Variants in ADAMTS15 observed in about 807,000 individuals in gnomAD.
The protein encoded by ADAMTS15 is ADAM metallopeptidase with thrombospondin type 1 motif 15.
ADAMTS15 carries 35 observed loss-of-function variants against 79.1 expected under a neutral mutation model. That is an observed-to-expected ratio of 0.44 (90% CI 0.34 to 0.59). ADAMTS15 has a LOEUF of 0.59. Ranked by LOEUF, ADAMTS15 falls within the 20% of genes least tolerant of loss-of-function variation. The pLI, the probability that ADAMTS15 is intolerant of heterozygous loss-of-function variation, is 0.02. For missense variants in ADAMTS15, 1,324 were observed against 1,318.7 expected (o/e 1.00, Z -0.06); for synonymous variants, 616 against 567.3 (o/e 1.09, Z -1.22).
At chr11:130,471,158 A>C (rs1592151141) in intron 6 of ADAMTS15, 50 bp from the exon 7 acceptor site, 1 of 1,590,882 alleles carries the variant, frequency 6.3e-7, no homozygotes, top group Non-Finnish European at 8.6e-7. Context: ...GGGGAGCATC[A>C]GCTGAGCTGC....
In ADAMTS15 at chr11:130,449,698, T is replaced by A; in HGVS notation, c.725T>A (p.Leu242Gln). 1 of 1,609,170 alleles carries A rather than the reference T, an allele frequency of 6.2e-7. No individual in the cohort carries two copies. The highest frequency in any genetic ancestry group is 1.3e-5 in the African/African-American group (1 of 74,986). The change falls in exon 1 of 8, where the codon CTG becomes CAG. Residue 242 changes from leucine to glutamine, a missense_variant. By Grantham distance (113) the Leu-to-Gln change is moderately radical. Transcript: ENST00000299164. This position sits in a 1 kb window ranked among gnomAD's most constrained non-coding sequence, Gnocchi z 7.8. ...CACGGCGCGGACCTGGAACATTATC[T>A]GCTGACGCTGCTGGCAACGGCGGCG... Reference protein sequence around the residue: ...KFHGADLEHYLLTLLATAARL... With the variant: ...KFHGADLEHYQLTLLATAARL...
At chr11:130,456,824 A>G (rs1230199835) in intron 1 of ADAMTS15, among the ~76,000 whole-genome samples, 1 of 152,200 alleles carries the variant, frequency 6.6e-6, no homozygotes, top group African/African-American at 2.4e-5. Flanking sequence ...CTGTGAGTAT[A>G]ATACCTGGAT....
Position 130,472,934 on chromosome 11 carries a change from T to C in ADAMTS15, c.2079-113T>C. 2 of 1,460,562 alleles carry C rather than the reference T, an allele frequency of 1.4e-6. No homozygotes were observed. The highest frequency in any genetic ancestry group is 1.4e-5 in the African/African-American group (1 of 70,904). The allele number at this position is 1,460,562 out of a possible 1,614,324, so 90.5% of individuals were successfully genotyped here. On this transcript the variant is annotated intron_variant, in intron 7 of 7. Transcript: ENST00000299164. The surrounding 1 kb of genome is among the most constrained non-coding windows in gnomAD (Gnocchi z 4.7). ...CTGACTCCAAAACCTGTGCTTTTACTCCCATGCCAGAATTCACCGAAAGCT... is the reference window on the plus strand; with the variant it reads ...CTGACTCCAAAACCTGTGCTTTTACCCCCATGCCAGAATTCACCGAAAGCT...
chr11:130,453,937 C>T (rs2134718123), intron 1 of ADAMTS15, among the ~76,000 whole-genome samples: 1 of 152,274 alleles, frequency 6.6e-6, no homozygotes, highest in Non-Finnish European at 1.5e-5. Context: ...GCTGGGACTA[C>T]AGGCATATGA....
chr11:130,476,193 G>T lies in ADAMTS15; in HGVS notation c.*2372G>T. The T allele has an allele frequency of 6.6e-6, 1 of 152,246 alleles. No individual in the cohort carries two copies. Among genetic ancestry groups the T allele is most frequent in the East Asian group, 1.9e-4 (1 of 5,200 alleles). 9.4% of individuals were successfully genotyped at this position (152,246 alleles called of 1,614,324 possible). On this transcript the variant is annotated 3_prime_UTR_variant, in exon 8 of 8. Coordinates refer to ENST00000299164, the MANE Select transcript of ADAMTS15 (RefSeq NM_139055.4). ...CTCAAGGCACAGGTTTCTGGTGATG[G>T]AGTAAAGTTACAGCGGTATCTCATG... is the stretch of plus-strand genomic sequence containing the variant.
In ADAMTS15 at chr11:130,473,758, G is replaced by C; in HGVS notation, c.2790G>C (p.Arg930=). The C allele has an allele frequency of 6.3e-7, 1 of 1,599,318 alleles. No homozygotes were observed. ...GCCACGGAGGCCGGCTGCTGGCCCG[G>C]GACCAGTGCAACTTGCACCGCAAGC... The part of the protein sequence containing the change: ...CVGHGGRLLA[R]DQCNLHRKPQ... Residue 930 remains arginine, a synonymous_variant, in exon 8 of 8, where the codon CGG becomes CGC. Transcript: ENST00000299164.
At chr11:130,450,315 T>C (rs1770916415) in intron 1 of ADAMTS15, 1 of 985,432 alleles carries the variant, frequency 1.0e-6, no homozygotes, top group Non-Finnish European at 1.2e-6. Context: ...CCCACCCCTA[T>C]TGTATGGGCG....
Position 130,472,963 on chromosome 11 carries a change from T to C in ADAMTS15, c.2079-84T>C. On this transcript the variant is annotated intron_variant, in intron 7 of 7. Coordinates refer to ENST00000299164, the MANE Select transcript of ADAMTS15 (RefSeq NM_139055.4). This position sits in a 1 kb window ranked among gnomAD's most constrained non-coding sequence, Gnocchi z 4.7. ...ATGCCAGAATTCACCGAAAGCTAGG[T>C]TTACTGAGGAAAACAGATCCTGGAG... 1 of 1,539,610 alleles carries C rather than the reference T, an allele frequency of 6.5e-7. No homozygotes were observed. The highest frequency in any genetic ancestry group is 8.8e-7 in the Non-Finnish European group (1 of 1,140,564).
chr11:130,449,631 G>C lies in ADAMTS15; in HGVS notation c.658G>C (p.Val220Leu), dbSNP rs759658768. 1.2e-6 allele frequency: 2 copies of C among 1,603,776 alleles called. No individual in the cohort carries two copies. The highest frequency in any genetic ancestry group is 2.2e-5 in the South Asian group (2 of 89,594). The part of the protein sequence containing the change: ...AKRFVSIPRY[V>L]ETLVVADESM... ...GCGTTTCGTGTCTATCCCGCGGTAC[G>C]TGGAGACGCTGGTGGTCGCGGACGA... Residue 220 changes from valine (V) to leucine (L), a missense_variant, in exon 1 of 8, where the codon GTG (valine) becomes CTG (leucine). Transcript: ENST00000299164. This position sits in a 1 kb window ranked among gnomAD's most constrained non-coding sequence, Gnocchi z 7.8.
chr11:130,470,168 A>ATATGTG (rs1565397724), intron 5 of ADAMTS15, among the ~76,000 whole-genome samples: 3 of 58,670 alleles, frequency 5.1e-5, no homozygotes, highest in East Asian at 3.4e-4. Context: ...ATATATATAT[A>ATATGTG]TATATATATA....
At chr11:130,461,077 C>A (rs73044870) in intron 1 of ADAMTS15, among the ~76,000 whole-genome samples, 276 of 152,324 alleles carry the variant, frequency 1.8e-3, no homozygotes, top group Admixed American at 4.1e-3. Context: ...GAAGCTGCCT[C>A]TGGGTGGGAA....
At chr11:130,455,327 G>A (rs1230319561) in intron 1 of ADAMTS15, among the ~76,000 whole-genome samples, 2 of 152,152 alleles carry the variant, frequency 1.3e-5, no homozygotes, top group African/African-American at 4.8e-5. Context: ...CTGATTTAAA[G>A]CATTCTGTCC....
At chr11:130,471,423 G>A in intron 7 of ADAMTS15, 40 bp downstream of exon 7, 2 of 1,579,986 alleles carry the variant, frequency 1.3e-6, no homozygotes, top group Non-Finnish European at 1.7e-6. Flanking sequence ...GGGAGCAAAG[G>A]GAGGGAGGTG....
Position 130,473,359 on chromosome 11 carries a change from C to G in ADAMTS15, c.2391C>G (p.Ser797=), listed in dbSNP as rs1938503196. The G allele has an allele frequency of 8.1e-6, 13 of 1,612,866 alleles. No homozygotes were observed. Among genetic ancestry groups the G allele is most frequent in the Non-Finnish European group, 1.1e-5 (13 of 1,179,986 alleles). Reference sequence around the variant, plus strand: ...TGACACCGCCCCGGGTCCGCTACTCCTTCTATCTGCCCAAAGAGCCTCGGG... The same window carrying G: ...TGACACCGCCCCGGGTCCGCTACTCGTTCTATCTGCCCAAAGAGCCTCGGG... ...GKMTPPRVRY[S]FYLPKEPRED... The change falls in exon 8 of 8, where the codon TCC becomes TCG. Residue 797 remains serine, a synonymous_variant. Transcript: ENST00000299164.
chr11:130,462,023 ATT>A lies in ADAMTS15; in HGVS notation c.1091-63_1091-62del. 1.2e-5 allele frequency: 11 copies of A among 942,988 alleles called. No individual in the cohort carries two copies. Among genetic ancestry groups the A allele is most frequent in the Non-Finnish European group, 1.8e-5 (11 of 611,160 alleles). 58.4% of individuals were successfully genotyped at this position (942,988 alleles called of 1,614,324 possible). ...ATGGGCTTTCTAGTTCCCCTGCCCCATTCCTCCCTCCAACCCCCATGTCCTTC... is the reference window on the plus strand; with the variant it reads ...ATGGGCTTTCTAGTTCCCCTGCCCCACCTCCCTCCAACCCCCATGTCCTTC... On this transcript the variant is annotated intron_variant, in intron 2 of 7. Transcript: ENST00000299164. This position sits in a 1 kb window ranked among gnomAD's most constrained non-coding sequence, Gnocchi z 4.3.
rs559469376 is a variant in ADAMTS15 at position 130,449,252 on chromosome 11, G to C, written c.279G>C (p.Gly93=). The C allele has an allele frequency of 8.7e-6, 14 of 1,613,372 alleles. No individual in the cohort carries two copies. The Admixed American group carries it at 1.2e-4, about 13-fold the overall frequency. Residue 93 remains glycine (G), a synonymous_variant, in exon 1 of 8, where the codon GGG becomes GGC. Transcript: ENST00000299164. The surrounding 1 kb of genome is among the most constrained non-coding windows in gnomAD (Gnocchi z 7.8). ...GCGTCCCCCTCCAGGGGCTCACCGG[G>C]GGCTCTTCAGACCTGCGACGCTGCT... ...HLGVPLQGLT[G]GSSDLRRCFY...
Position 130,462,780 on chromosome 11 carries a change from G to T in ADAMTS15, c.1542G>T (p.Arg514Ser). ...CVERHNLNKHRVDGSWAKWDP... is the reference protein window; with the variant it reads ...CVERHNLNKHSVDGSWAKWDP... ...AGAGACACAACCTCAACAAGCACAG[G>T]GTGAGTGAGTGCTGGAGCTGCGCTC... The change falls in exon 4 of 8, where the codon AGG becomes AGT. Residue 514 changes from arginine to serine, a missense_variant and splice_region_variant. Physicochemically the swap from Arg to Ser is moderately radical, Grantham distance 110. Coordinates refer to ENST00000299164, the MANE Select transcript of ADAMTS15 (RefSeq NM_139055.4). The surrounding 1 kb of genome is among the most constrained non-coding windows in gnomAD (Gnocchi z 4.3). 1 of 1,583,746 alleles carries T rather than the reference G, an allele frequency of 6.3e-7. No individual in the cohort carries two copies. Among genetic ancestry groups the T allele is most frequent in the Non-Finnish European group, 8.6e-7 (1 of 1,157,766 alleles).
intron 2 of ADAMTS15, 60 bp downstream of exon 2, chr11:130,461,681 G>C: frequency 6.2e-7 from 1 of 1,603,194 alleles, no homozygotes; most frequent in Non-Finnish European, 8.5e-7. Flanking sequence ...CCTGGAGGGT[G>C]GGAGACGTGT....
chr11:130,470,167 T>TATAC (rs1565397711), intron 5 of ADAMTS15, among the ~76,000 whole-genome samples: 8 of 57,644 alleles, frequency 1.4e-4, no homozygotes, highest in African/African-American at 8.4e-4. Context: ...TATATATATA[T>TATAC]ATATATATAT....
Sources: gnomAD v4.1 joint callset for allele counts (sites outside exome capture counted in the v4.1 genomes callset) on GRCh38, gnomAD v4.1.1 for gene constraint, Gnocchi (gnomAD v3.1) non-coding constraint, MANE v1.5 for transcripts, NCBI Gene and HGNC (gene_info 2026-07-23, HGNC 2026-07-21) for gene names.